The following SAMD3 variants were observed in gnomAD, a reference collection of about 807,000 sequenced individuals.
SAMD3 encodes sterile alpha motif domain containing 3, also known as sterile alpha motif domain-containing protein 3.
SAMD3 carries 63 observed loss-of-function variants against 58.5 expected under a neutral mutation model. That is an observed-to-expected ratio of 1.08 (90% confidence interval 0.88 to 1.33). The LOEUF is 1.33. Ranked by LOEUF, SAMD3 falls within the 40% of genes most tolerant of loss-of-function variation. The pLI is 0.00. For missense variants in SAMD3, 604 were observed against 608.4 expected (o/e 0.99, Z 0.08); for synonymous variants, 220 against 210.3 (o/e 1.05, Z -0.40).
chr6:130,352,865 T>G (rs1777720610), intron 1 of SAMD3, among the ~76,000 whole-genome samples: 1 of 152,210 alleles, frequency 6.6e-6, no homozygotes, highest in Admixed American at 6.5e-5. Context: ...AAAAGGATCA[T>G]TTATGATATA....
At chr6:130,146,292 G>A in intron 9 of SAMD3, 111 bp from the exon 10 acceptor site, 2 of 546,074 alleles carry the variant, frequency 3.7e-6, no homozygotes, top group Non-Finnish European at 5.8e-6. Flanking sequence ...TTTACACTAA[G>A]TACTCAATAT....
At chr6:130,287,937 C>A (rs1287136314) in intron 2 of SAMD3, among the ~76,000 whole-genome samples, 2 of 139,536 alleles carry the variant, frequency 1.4e-5, no homozygotes, top group Non-Finnish European at 3.2e-5. Context: ...GAGCATGACT[C>A]CGTCTCAAAA....
At chr6:130,198,023 C>G (rs184271541) in intron 5 of SAMD3, among the ~76,000 whole-genome samples, 31 of 152,246 alleles carry the variant, frequency 2.0e-4, no homozygotes, top group African/African-American at 6.5e-4. Flanking sequence ...CACTGAGTAC[C>G]TTGTGACCCC....
At chr6:130,331,705 T>C (rs145430142) in intron 1 of SAMD3, among the ~76,000 whole-genome samples, 4 of 152,248 alleles carry the variant, frequency 2.6e-5, no homozygotes, top group South Asian at 4.1e-4. Context: ...GGCAACAGAG[T>C]GAGACTCCAT....
intron 1 of SAMD3, among the ~76,000 whole-genome samples, chr6:130,318,157 A>G (rs1776449723): frequency 6.6e-6 from 1 of 152,194 alleles, no homozygotes; most frequent in African/African-American, 2.4e-5. Flanking sequence ...TCTTCCCACC[A>G]GCCAGAATGG....
intron 2 of SAMD3, among the ~76,000 whole-genome samples, chr6:130,248,686 G>T (rs2064874): frequency 0.13 from 20,365 of 152,038 alleles, 1,633 homozygotes; most frequent in East Asian, 0.36. Context: ...GGCACTGGGG[G>T]AATTAGTGCT....
At chr6:130,341,080 C>T (rs1777254745) in intron 1 of SAMD3, among the ~76,000 whole-genome samples, 1 of 150,758 alleles carries the variant, frequency 6.6e-6, no homozygotes, top group Admixed American at 6.6e-5. Context: ...ATGTGGGATT[C>T]CACAAACTCT....
chr6:130,267,780 A>T (rs1468422005), intron 2 of SAMD3, among the ~76,000 whole-genome samples: 1 of 152,208 alleles, frequency 6.6e-6, no homozygotes, highest in South Asian at 2.1e-4. Flanking sequence ...TCTGACCACC[A>T]GTGCATGCAG....
At position 130,338,847 on chromosome 6, in the gene SAMD3, G is replaced by A. The variant is rs1006622251; in HGVS notation, c.-303-25754C>T. Among the ~76,000 whole-genome samples, 3 of 152,158 alleles carry A rather than the reference G, an allele frequency of 2.0e-5. No homozygotes were observed. The East Asian group carries it at 5.8e-4, about 29-fold the overall frequency. On this transcript the variant is annotated intron_variant, in intron 1 of 13. Coordinates refer to the SAMD3 transcript ENST00000368134. Reference sequence around the variant, plus strand: ...TTGCTTTTGATTTTACAGGCTCCTAGGTGGAAGGGACTTGCCTTGTCTCAG... The same window carrying A: ...TTGCTTTTGATTTTACAGGCTCCTAAGTGGAAGGGACTTGCCTTGTCTCAG...
At chr6:130,326,159 G>A (rs1156933456) in intron 1 of SAMD3, among the ~76,000 whole-genome samples, 2 of 152,122 alleles carry the variant, frequency 1.3e-5, no homozygotes, top group African/African-American at 4.8e-5. Flanking sequence ...CTCTTATCTG[G>A]ACTACTGCAG....
intron 2 of SAMD3, among the ~76,000 whole-genome samples, chr6:130,266,069 C>T (rs1446822212): frequency 6.6e-6 from 1 of 152,126 alleles, no homozygotes; most frequent in Non-Finnish European, 1.5e-5. Context: ...ATAACCAACC[C>T]CCTTAATCCT....
intron 8 of SAMD3, among the ~76,000 whole-genome samples, chr6:130,166,770 A>G (rs1160368474): frequency 6.6e-6 from 1 of 152,234 alleles, no homozygotes; most frequent in Non-Finnish European, 1.5e-5. Context: ...CACACATATG[A>G]AGAGATGCCC....
At chr6:130,195,083 G>T (rs1793963906) in intron 5 of SAMD3, among the ~76,000 whole-genome samples, 1 of 151,976 alleles carries the variant, frequency 6.6e-6, no homozygotes, top group Non-Finnish European at 1.5e-5. Context: ...ATCCCCACCT[G>T]CCCAGTTCCC....
intron 2 of SAMD3, among the ~76,000 whole-genome samples, chr6:130,289,730 C>T (rs1197226928): frequency 6.6e-6 from 1 of 152,176 alleles, no homozygotes; most frequent in African/African-American, 2.4e-5. Context: ...GAACTCCTGA[C>T]CTCAAGCCAT....
chr6:130,185,411 C>T (rs1202464135), intron 5 of SAMD3, among the ~76,000 whole-genome samples: 5 of 152,178 alleles, frequency 3.3e-5, no homozygotes, highest in African/African-American at 1.2e-4. Flanking sequence ...TCACTGCAAC[C>T]TCCGCCTCCT....
upstream of SAMD3, among the ~76,000 whole-genome samples, chr6:130,226,801 C>T (rs886394938): frequency 2.0e-5 from 3 of 151,966 alleles, no homozygotes; most frequent in Non-Finnish European, 4.4e-5. Flanking sequence ...GCACTCCAGC[C>T]TGGGCGATAA....
intron 1 of SAMD3, among the ~76,000 whole-genome samples, chr6:130,337,091 T>C (rs1421617821): frequency 1.3e-5 from 2 of 152,210 alleles, no homozygotes; most frequent in Non-Finnish European, 2.9e-5. Flanking sequence ...GGGCTGGCTC[T>C]GTGTCCCCAC....
intron 1 of SAMD3, among the ~76,000 whole-genome samples, chr6:130,360,347 T>C (rs927434518): frequency 2.0e-5 from 3 of 152,206 alleles, no homozygotes; most frequent in Non-Finnish European, 2.9e-5. Flanking sequence ...TTTCCCTAAG[T>C]GTCGGCCAGG....
chr6:130,212,855 T>C (rs1795686977), intron 4 of SAMD3, among the ~76,000 whole-genome samples: 1 of 152,240 alleles, frequency 6.6e-6, no homozygotes, highest in South Asian at 2.1e-4. Flanking sequence ...CTTTGATCTC[T>C]CTTTCAGGTT....
Sources: allele counts gnomAD v4.1 joint callset (sites outside exome capture counted in the v4.1 genomes callset), GRCh38; gene constraint gnomAD v4.1.1; transcripts MANE v1.5; gene names NCBI Gene and HGNC (gene_info 2026-07-23, HGNC 2026-07-21).